Variants in STOML2 observed in about 807,000 individuals in gnomAD.
The protein encoded by STOML2 is stomatin-like protein 2, mitochondrial.
In STOML2, 22 loss-of-function variants were observed where a neutral mutation model predicts 45.7. The observed-to-expected ratio is 0.48, with a 90% CI of 0.34 to 0.69. The LOEUF is 0.69. Among genes scored for constraint, STOML2 ranks in the 30% least tolerant of loss-of-function variants. The pLI, the probability that STOML2 is intolerant of heterozygous loss-of-function variation, is 0.01. For synonymous variants in STOML2, 181 were observed against 182.7 expected (o/e 0.99, Z 0.08); for missense variants, 359 against 466.9 (o/e 0.77, Z 2.13).
Position 35,102,273 on chromosome 9 carries a change from G to A in STOML2, c.184-79C>T. On this transcript the variant is annotated intron_variant, in intron 2 of 9. Transcript: ENST00000356493. The surrounding 1 kb of genome is among the most constrained non-coding windows in gnomAD (Gnocchi z 4.8). ...CTAAGCTAGTCCTGGAGTATGTAGG[G>A]AGTCAACACATGGAACATGCCCAGA... 1 of 1,227,986 alleles carries A rather than the reference G, an allele frequency of 8.1e-7. No homozygotes were observed. The highest frequency in any genetic ancestry group is 1.2e-6 in the Non-Finnish European group (1 of 852,704). 76.1% of individuals were successfully genotyped at this position (1,227,986 alleles called of 1,614,324 possible).
intron 9 of STOML2, 76 bp from the exon 10 acceptor site, chr9:35,100,248 G>A: frequency 6.4e-7 from 1 of 1,568,874 alleles, no homozygotes; most frequent in Non-Finnish European, 8.7e-7. Context: ...GGCTAAACGG[G>A]AAAAGATGGC....
chr9:35,100,751 CAG>C (rs1221907074), intron 8 of STOML2, 25 bp from the exon 9 acceptor site: 1 of 1,613,902 alleles, frequency 6.2e-7, no homozygotes, highest in East Asian at 2.2e-5. Context: ...GGATAAAAAT[CAG>C]AGATCACCGA....
rs187303999 is a variant in STOML2, at chr9:35,101,824, C to A, written c.343-13G>T. On this transcript the variant is annotated splice_polypyrimidine_tract_variant and intron_variant, in intron 4 of 9. Transcript: ENST00000356493. The surrounding 1 kb of genome is among the most constrained non-coding windows in gnomAD (Gnocchi z 4.3). ...CACCGTAGCTTGCCTGAGATGGACA[C>A]GGATAGTGTAAGAAGCTTGGGCACA... 1.9e-6 allele frequency: 3 copies of A among 1,614,002 alleles called. No homozygotes were observed. The highest frequency in any genetic ancestry group is 2.5e-6 in the Non-Finnish European group (3 of 1,180,004).
In STOML2 at chr9:35,102,826, G is replaced by A. The variant is rs1462707648; in HGVS notation, c.46-3C>T. ...CGGCCAGAAGCCAGTAGAGAGCCCT[G>A]AAGGAAAGAAGAGGGTGAGCAGAGA... On this transcript the variant is annotated splice_region_variant and splice_polypyrimidine_tract_variant and intron_variant, in intron 1 of 9. Coordinates refer to ENST00000356493, the MANE Select transcript of STOML2 (RefSeq NM_013442.3). The surrounding 1 kb of genome is among the most constrained non-coding windows in gnomAD (Gnocchi z 4.8). The A allele has an allele frequency of 1.9e-6, 3 of 1,613,698 alleles. No homozygotes were observed. Among genetic ancestry groups the A allele is most frequent in the Non-Finnish European group, 2.5e-6 (3 of 1,179,882 alleles).
Position 35,102,909 on chromosome 9 carries a change from C to A in STOML2, c.46-86G>T. Reference sequence around the variant, plus strand: ...CTGAAGGCATCTCCATAAACCACGACCCTCAGGATCCTCGGAGAATCACAT... The same window carrying A: ...CTGAAGGCATCTCCATAAACCACGAACCTCAGGATCCTCGGAGAATCACAT... On this transcript the variant is annotated intron_variant, in intron 1 of 9. Coordinates refer to ENST00000356493, the MANE Select transcript of STOML2 (RefSeq NM_013442.3). This position sits in a 1 kb window ranked among gnomAD's most constrained non-coding sequence, Gnocchi z 4.8. 6.3e-7 allele frequency: 1 copy of A among 1,575,174 alleles called. No individual in the cohort carries two copies. Among genetic ancestry groups the A allele is most frequent in the Non-Finnish European group, 8.6e-7 (1 of 1,158,384 alleles).
chr9:35,101,505 C>T lies in STOML2; in HGVS notation c.500G>A (p.Cys167Tyr). 1 of 1,614,106 alleles carries T rather than the reference C, an allele frequency of 6.2e-7. No homozygotes were observed. The highest frequency in any genetic ancestry group is 8.5e-7 in the Non-Finnish European group (1 of 1,180,034). ...IVDAINQAAD[C>Y]WGIRCLRYEI... ...ATAACGGAGGCAGCGGATACCCCAG[C>T]AGTCAGCAGCTTGGTTGATGGCATC... Residue 167 changes from cysteine to tyrosine, a missense_variant, in exon 6 of 10, where the codon TGC becomes TAC. Cys to Tyr is a radical substitution (Grantham distance 194, BLOSUM62 -2). Transcript: ENST00000356493. The surrounding 1 kb of genome is among the most constrained non-coding windows in gnomAD (Gnocchi z 4.3).
Position 35,101,573 on chromosome 9 carries a change from G to A in STOML2, c.445-13C>T, listed in dbSNP as rs1348469659. Reference sequence around the variant, plus strand: ...GGGACTCCCGTTCCTGGAAAAAGAGGTGTAAGCCCCACAGCCTCAACCTAC... The same window carrying A: ...GGGACTCCCGTTCCTGGAAAAAGAGATGTAAGCCCCACAGCCTCAACCTAC... On this transcript the variant is annotated splice_polypyrimidine_tract_variant and intron_variant, in intron 5 of 9. Transcript: ENST00000356493. The surrounding 1 kb of genome is among the most constrained non-coding windows in gnomAD (Gnocchi z 4.3). The A allele has an allele frequency of 4.3e-6, 7 of 1,613,918 alleles. No individual in the cohort carries two copies. In the South Asian group the frequency reaches 5.5e-5, roughly 13 times the overall value.
intron 8 of STOML2, 52 bp from the exon 9 acceptor site, chr9:35,100,778 G>A (rs538633881): frequency 1.2e-6 from 2 of 1,613,680 alleles, no homozygotes; most frequent in Admixed American, 1.7e-5. Context: ...GAGAAGAAGG[G>A]GGGGATGGGG....
intron 8 of STOML2, 31 bp from the exon 9 acceptor site, chr9:35,100,757 T>G (rs768785815): frequency 6.2e-7 from 1 of 1,612,698 alleles, no homozygotes; most frequent in Non-Finnish European, 8.5e-7. Flanking sequence ...AAATCAGAGA[T>G]CACCGATACG....
rs544432737 is a variant in STOML2, at chr9:35,099,927, A to G, written c.*108T>C. On this transcript the variant is annotated 3_prime_UTR_variant, in exon 10 of 10. Coordinates refer to ENST00000356493, the MANE Select transcript of STOML2 (RefSeq NM_013442.3). ...CCACTGGTGAGTTTATTACACGACT[A>G]AAGTTCAAATAAAAAAATAAAAACC... 3.2e-5 allele frequency: 45 copies of G among 1,404,220 alleles called. No individual in the cohort carries two copies. Among genetic ancestry groups the G allele is most frequent in the Admixed American group, 8.1e-5 (4 of 49,168 alleles). The allele number at this position is 1,404,220 out of a possible 1,614,324, so 87.0% of individuals were successfully genotyped here. A position where few individuals can be genotyped will look rare whatever the true frequency, so the allele number is the denominator to read the frequency against.
At position 35,100,623 on chromosome 9, in the gene STOML2, C is replaced by G. The variant is rs919137231; in HGVS notation, c.908G>C (p.Gly303Ala). Residue 303 changes from glycine (G) to alanine (A), a missense_variant, in exon 9 of 10, where the codon GGC (glycine) becomes GCC (alanine). Around this residue, in one of 2 missense-constraint regions of STOML2, gnomAD observed 285 missense variants for 422.0 expected, o/e 0.68. Transcript: ENST00000356493. ...SNTILLPSNP[G>A]DVTSMVAQAM... is the part of the protein sequence containing the mutation. ...CTGAGCCACCATGCTGGTGACATCG[C>G]CAGGGTTGGAGGGCAGTAGGATAGT... 5 of 1,613,938 alleles carry G rather than the reference C, an allele frequency of 3.1e-6. No individual in the cohort carries two copies. The African/African-American group carries it at 6.7e-5, about 22-fold the overall frequency.
In STOML2 at chr9:35,102,757, C is replaced by CCACGG; in HGVS notation, c.107_111dup (p.Val38ProfsTer28). ...GCCTCCTGCTGCGGCACGAACAGTACCACGGTGTTTCGGGGCAATCCAGAG... is the reference window on the plus strand; with the variant it reads ...GCCTCCTGCTGCGGCACGAACAGTACCACGGCACGGTGTTTCGGGGCAATCCAGAG... On this transcript the variant is annotated frameshift_variant, in exon 2 of 10. Transcript: ENST00000356493. LOFTEE classifies it high-confidence loss of function. The surrounding 1 kb of genome is among the most constrained non-coding windows in gnomAD (Gnocchi z 4.8). 1 of 1,614,092 alleles carries CCACGG rather than the reference C, an allele frequency of 6.2e-7. No homozygotes were observed. Among genetic ancestry groups the CCACGG allele is most frequent in the Non-Finnish European group, 8.5e-7 (1 of 1,180,042 alleles).
At position 35,100,946 on chromosome 9, in the gene STOML2, C is replaced by G. The variant is rs1376408227; in HGVS notation, c.790G>C (p.Ala264Pro). The change falls in exon 8 of 10, where the codon GCT (alanine) becomes CCT (proline). Residue 264 changes from alanine (A) to proline (P), a missense_variant. Physicochemically the swap from Ala to Pro is conservative, Grantham distance 27 (BLOSUM62 -1). Coordinates refer to ENST00000356493, the MANE Select transcript of STOML2 (RefSeq NM_013442.3). ...GGGCCTCTCACATGTTGTGTCAGAG[C>G]TGCAGCCAGGATTCGAATAGCTTCA... The part of the protein sequence containing the change: ...KAEAIRILAA[A>P]LTQHNGDAAA... 6.2e-7 allele frequency: 1 copy of G among 1,614,236 alleles called. No individual in the cohort carries two copies.
intron 9 of STOML2, 120 bp from the exon 10 acceptor site, chr9:35,100,292 T>A: frequency 7.6e-7 from 1 of 1,315,338 alleles, no homozygotes; most frequent in Non-Finnish European, 1.1e-6. Context: ...CCTTTCTCCC[T>A]CTCTCAAACC....
Position 35,102,809 on chromosome 9 carries a change from A to C in STOML2, c.60T>G (p.Ala20=), listed in dbSNP as rs746333502. 65 of 1,613,968 alleles carry C rather than the reference A, an allele frequency of 4.0e-5. No homozygotes were observed. The highest frequency in any genetic ancestry group is 5.0e-5 in the Non-Finnish European group (59 of 1,179,990). ...AGGCGCGGCGCGGAGCGCGGCCAGA[A>C]GCCAGTAGAGAGCCCTGAAGGAAAG... ...GALLLRGSLL[A]SGRAPRRASS... Residue 20 remains alanine (A), a synonymous_variant, in exon 2 of 10, where the codon GCT becomes GCG. Transcript: ENST00000356493. This position sits in a 1 kb window ranked among gnomAD's most constrained non-coding sequence, Gnocchi z 4.8.
chr9:35,102,567 T>C lies in STOML2; in HGVS notation c.183+119A>G, dbSNP rs555385612. ...TCAGCAGCCTGGGCCCTGTCAGGTC[T>C]GGCCTACAGAGTCGGGAGCTAACAG... On this transcript the variant is annotated intron_variant, in intron 2 of 9. Coordinates refer to ENST00000356493, the MANE Select transcript of STOML2 (RefSeq NM_013442.3). This position sits in a 1 kb window ranked among gnomAD's most constrained non-coding sequence, Gnocchi z 4.8. 3.9e-5 allele frequency: 58 copies of C among 1,487,650 alleles called. No homozygotes were observed. The East Asian group carries it at 1.0e-3, about 27-fold the overall frequency. The allele number at this position is 1,487,650 out of a possible 1,614,324, so 92.2% of individuals were successfully genotyped here. A position where few individuals can be genotyped will look rare whatever the true frequency, so the allele number is the denominator to read the frequency against.
At position 35,103,126 on chromosome 9, in the gene STOML2, C is replaced by G. The variant is rs373344849; in HGVS notation, c.-32G>C. Reference sequence around the variant, plus strand: ...CCGCCGCAGCGACCTCCGGAACCAACGAGACGAGCGGAGCGGTCGCTCCCA... The same window carrying G: ...CCGCCGCAGCGACCTCCGGAACCAAGGAGACGAGCGGAGCGGTCGCTCCCA... On this transcript the variant is annotated 5_prime_UTR_variant, in exon 1 of 10. Transcript: ENST00000356493. The G allele has an allele frequency of 5.0e-6, 8 of 1,610,616 alleles. No individual in the cohort carries two copies. The highest frequency in any genetic ancestry group is 6.8e-6 in the Non-Finnish European group (8 of 1,179,426).
chr9:35,100,476 G>A, intron 9 of STOML2, 122 bp downstream of exon 9: 2 of 1,326,326 alleles, frequency 1.5e-6, no homozygotes. Context: ...AAGAATGAAG[G>A]GAGGTCTAGG....
In STOML2 at chr9:35,101,364, T is replaced by C; in HGVS notation, c.579+62A>G. The C allele has an allele frequency of 2.5e-6, 4 of 1,600,792 alleles. No homozygotes were observed. In the South Asian group the frequency reaches 4.4e-5, roughly 18 times the overall value. On this transcript the variant is annotated intron_variant, in intron 6 of 9. Coordinates refer to ENST00000356493, the MANE Select transcript of STOML2 (RefSeq NM_013442.3). This position sits in a 1 kb window ranked among gnomAD's most constrained non-coding sequence, Gnocchi z 4.3. ...TCTACCCATCATAACAGGAGGGAAG[T>C]CTGGATCCTCCTGGTACTGGAGCAC...
Sources: allele counts gnomAD v4.1 joint callset, GRCh38; gene constraint gnomAD v4.1.1; regional missense constraint gnomAD v4.1.1; non-coding constraint Gnocchi (gnomAD v3.1); transcripts MANE v1.5; gene names NCBI Gene and HGNC (gene_info 2026-07-23, HGNC 2026-07-21).